SEMA3A: variants seen among roughly 807,000 people sequenced by gnomAD.
SEMA3A encodes the protein semaphorin 3A, also known as semaphorin-3A.
In SEMA3A, 29 loss-of-function variants were observed where a neutral mutation model predicts 97.9. The observed-to-expected ratio is 0.30, with a 90% CI of 0.22 to 0.40. The LOEUF (loss-of-function observed/expected upper bound fraction) is 0.40. SEMA3A is among the 10% of genes least tolerant of loss of function. The pLI, the probability that SEMA3A is intolerant of heterozygous loss-of-function variation, is 1.00. For missense variants in SEMA3A, 763 were observed against 951.3 expected (o/e 0.80, Z 2.60); for synonymous variants, 321 against 323.7 (o/e 0.99, Z 0.09).
Position 84,203,157 on chromosome 7 carries a change from T to G in SEMA3A, c.-82-8489A>C, listed in dbSNP as rs953615292. On this transcript the variant is annotated intron_variant, in intron 3 of 3. Transcript: ENST00000424555. Reference sequence around the variant, plus strand: ...AGGGACTCAGTATATAGGATTACTTTATATATTTTTGAAAAAGCCTTGCAT... The same window carrying G: ...AGGGACTCAGTATATAGGATTACTTGATATATTTTTGAAAAAGCCTTGCAT... Among the ~76,000 whole-genome samples the G allele has an allele frequency of 2.0e-5, 3 of 152,196 alleles. No individual in the cohort carries two copies. The East Asian group carries it at 5.8e-4, about 29-fold the overall frequency.
At chr7:84,279,272 C>T (rs1413107058) in intron 3 of SEMA3A, among the ~76,000 whole-genome samples, 1 of 151,934 alleles carries the variant, frequency 6.6e-6, no homozygotes, top group Non-Finnish European at 1.5e-5. Context: ...TTAAGATAAC[C>T]TAATATCACC....
chr7:84,142,979 T>A (rs1289295367), intron 1 of SEMA3A, among the ~76,000 whole-genome samples: 1 of 150,764 alleles, frequency 6.6e-6, no homozygotes, highest in African/African-American at 2.5e-5. Flanking sequence ...CAGACCCTTC[T>A]TCATCATTCA....
intron 3 of SEMA3A, among the ~76,000 whole-genome samples, chr7:84,208,374 C>T (rs1233768633): frequency 6.6e-6 from 1 of 150,926 alleles, no homozygotes. Context: ...ATGGCGTGAA[C>T]CCGGGAGGCG....
In SEMA3A at chr7:84,060,214, G is replaced by C. The variant is rs991838375; in HGVS notation, c.547+251C>G. ...TCTGCCAACTGTACCAAGTGGGGCT[G>C]CATAGTAATTGAGAGGCCATTTTAA... On this transcript the variant is annotated intron_variant, in intron 5 of 16. Transcript: ENST00000265362. Among the ~76,000 whole-genome samples the C allele has an allele frequency of 4.6e-5, 7 of 152,168 alleles. No homozygotes were observed. The East Asian group carries it at 1.2e-3, about 25-fold the overall frequency.
At chr7:84,371,933 G>A (rs576262529) in intron 1 of SEMA3A, 1 of 152,096 alleles carries the variant, frequency 6.6e-6, no homozygotes, top group Non-Finnish European at 1.5e-5. Context: ...AATTTATAAA[G>A]TTTGAACTTT....
At chr7:84,313,173 A>G (rs2115873637) in intron 2 of SEMA3A, among the ~76,000 whole-genome samples, 1 of 145,454 alleles carries the variant, frequency 6.9e-6, no homozygotes, top group South Asian at 2.1e-4. Context: ...AAATTATTGG[A>G]AAGACTTAAA....
intron 1 of SEMA3A, among the ~76,000 whole-genome samples, chr7:84,402,188 TA>T (rs1803923255): frequency 6.6e-6 from 1 of 151,962 alleles, no homozygotes; most frequent in Admixed American, 6.6e-5. Context: ...AATTTAAAAA[TA>T]AAAAAGGCCT....
At chr7:84,360,936 C>A (rs1410129314) in intron 2 of SEMA3A, among the ~76,000 whole-genome samples, 1 of 152,028 alleles carries the variant, frequency 6.6e-6, no homozygotes, top group South Asian at 2.1e-4. Context: ...TACAAATCTA[C>A]TTTCAGGAAT....
chr7:84,089,738 T>C (rs954623566), intron 4 of SEMA3A, among the ~76,000 whole-genome samples: 17 of 152,120 alleles, frequency 1.1e-4, no homozygotes, highest in African/African-American at 4.1e-4. Context: ...ATATACACAT[T>C]TGGTAAATAT....
At chr7:84,172,001 A>G (rs1797397069) in intron 1 of SEMA3A, among the ~76,000 whole-genome samples, 1 of 152,214 alleles carries the variant, frequency 6.6e-6, no homozygotes, top group South Asian at 2.1e-4. Context: ...ATCAAAAGTA[A>G]GAATTCACTC....
chr7:84,428,013 T>A (rs1804873936), intron 1 of SEMA3A, among the ~76,000 whole-genome samples: 1 of 152,160 alleles, frequency 6.6e-6, no homozygotes. Flanking sequence ...TTCTTTAATG[T>A]CTTCTTTAAA....
At chr7:84,422,047 G>T (rs1804609511) in intron 1 of SEMA3A, among the ~76,000 whole-genome samples, 1 of 152,064 alleles carries the variant, frequency 6.6e-6, no homozygotes, top group East Asian at 1.9e-4. Flanking sequence ...GAGTTAGAGA[G>T]GAATCTTTCT....
intron 2 of SEMA3A, among the ~76,000 whole-genome samples, chr7:84,366,712 T>C (rs1802856753): frequency 6.6e-6 from 1 of 151,362 alleles, no homozygotes; most frequent in Non-Finnish European, 1.5e-5. Context: ...GAGATTCACT[T>C]GGTTCATCCA....
chr7:84,406,122 A>C (rs1053830497), intron 1 of SEMA3A, among the ~76,000 whole-genome samples: 1 of 152,210 alleles, frequency 6.6e-6, no homozygotes, highest in African/African-American at 2.4e-5. Context: ...TGGTTTTTTG[A>C]AAAGATCAAC....
chr7:84,337,181 C>T (rs1439660389), intron 2 of SEMA3A, among the ~76,000 whole-genome samples: 2 of 152,060 alleles, frequency 1.3e-5, no homozygotes, highest in Non-Finnish European at 2.9e-5. Flanking sequence ...GTCTGGCACA[C>T]AGCATTAATA....
chr7:83,961,502 C>G lies in SEMA3A; in HGVS notation c.2185G>C (p.Asp729His), dbSNP rs1222440433. ...GGCCTTTGCCGACGTTGTTTTCGGT[C>G]CCTTTTCCAAACTTGTTCACAGAAC... is the stretch of plus-strand genomic sequence containing the variant. ...DEFCEQVWKR[D>H]RKQRRQRPGH... The change falls in exon 17 of 17, where the codon GAC becomes CAC. Residue 729 changes from aspartate (D) to histidine (H), a missense_variant. By Grantham distance (81) the Asp-to-His change is moderately conservative (BLOSUM62 -1). This residue lies in a region of SEMA3A where 678 missense variants were observed against 881.3 expected (regional missense o/e 0.77). Coordinates refer to ENST00000265362, the MANE Select transcript of SEMA3A (RefSeq NM_006080.3). 1 of 1,614,012 alleles carries G rather than the reference C, an allele frequency of 6.2e-7. No homozygotes were observed. Among genetic ancestry groups the G allele is most frequent in the Admixed American group, 1.7e-5 (1 of 60,016 alleles).
chr7:84,407,705 A>G (rs1292522198), intron 1 of SEMA3A, among the ~76,000 whole-genome samples: 1 of 152,150 alleles, frequency 6.6e-6, no homozygotes, highest in Admixed American at 6.5e-5. Flanking sequence ...GATGTAGACC[A>G]ATGGAACAGA....
chr7:84,404,069 G>C (rs1268206544), intron 1 of SEMA3A, among the ~76,000 whole-genome samples: 1 of 152,176 alleles, frequency 6.6e-6, no homozygotes, highest in Non-Finnish European at 1.5e-5. Context: ...GTTGAGAGAA[G>C]AAGGCTTCAG....
At chr7:84,344,378 G>A (rs1217881249) in intron 2 of SEMA3A, among the ~76,000 whole-genome samples, 1 of 152,166 alleles carries the variant, frequency 6.6e-6, no homozygotes, top group Non-Finnish European at 1.5e-5. Flanking sequence ...TCAGAGAAGA[G>A]CAATTAATAA....
Sources: allele counts gnomAD v4.1 joint callset (sites outside exome capture counted in the v4.1 genomes callset), GRCh38; gene constraint gnomAD v4.1.1; regional missense constraint gnomAD v4.1.1; transcripts MANE v1.5; gene names NCBI Gene and HGNC (gene_info 2026-07-23, HGNC 2026-07-21).